The following NCKAP5 variants were observed in gnomAD, a reference collection of about 807,000 sequenced individuals.
NCKAP5 encodes NCK associated protein 5.
NCKAP5 carries 92 observed loss-of-function variants against 167.0 expected under a neutral mutation model. The observed-to-expected ratio is 0.55, with a 90% CI of 0.47 to 0.66. NCKAP5 has a LOEUF of 0.66. Among genes scored for constraint, NCKAP5 ranks in the 30% least tolerant of loss-of-function variants. The pLI is 0.00. For synonymous variants in NCKAP5, 891 were observed against 877.4 expected, an observed-to-expected ratio of 1.02 and a Z score of -0.27; for missense variants, 2,378 against 2,315.0, an observed-to-expected ratio of 1.03 and a Z score of -0.56.
At chr2:132,971,336 G>A (rs1008686571) in intron 7 of NCKAP5, among the ~76,000 whole-genome samples, 1 of 152,120 alleles carries the variant, frequency 6.6e-6, no homozygotes, top group African/African-American at 2.4e-5. Context: ...AGAGGGGAGG[G>A]CAACTGAGAA....
the NCKAP5 span, among the ~76,000 whole-genome samples, chr2:133,578,804 G>C: frequency 1.3e-5 from 2 of 152,138 alleles, no homozygotes; most frequent in Non-Finnish European, 2.9e-5. Context: ...ATGACCTCAA[G>C]AACTTTAAGT....
chr2:133,331,660 C>A (rs1251941949), intron 3 of NCKAP5, among the ~76,000 whole-genome samples: 1 of 152,126 alleles, frequency 6.6e-6, no homozygotes, highest in East Asian at 1.9e-4. Flanking sequence ...AACCCAGGAC[C>A]GGTTTTAAGT....
chr2:133,198,763 T>G (rs1176045898), intron 5 of NCKAP5, among the ~76,000 whole-genome samples: 1 of 152,128 alleles, frequency 6.6e-6, no homozygotes, highest in Non-Finnish European at 1.5e-5. Context: ...CTGGAGGTAG[T>G]GTGAGGAAAT....
At chr2:133,627,711 A>C in the NCKAP5 span, among the ~76,000 whole-genome samples, 1 of 152,200 alleles carries the variant, frequency 6.6e-6, no homozygotes, top group Non-Finnish European at 1.5e-5. Flanking sequence ...AGAAAGAAAG[A>C]AACTTTTTTT....
At chr2:133,635,166 G>A in the NCKAP5 span, among the ~76,000 whole-genome samples, 5 of 152,124 alleles carry the variant, frequency 3.3e-5, no homozygotes, top group Non-Finnish European at 7.4e-5. Flanking sequence ...GAGCCACCAT[G>A]CCTGGCTGTA....
At chr2:132,824,788 GTGACTGGCAATGTT>G (rs1463659115) in intron 11 of NCKAP5, among the ~76,000 whole-genome samples, 4 of 152,182 alleles carry the variant, frequency 2.6e-5, no homozygotes, top group Non-Finnish European at 4.4e-5. Flanking sequence ...TGCTGGCCTA[GTGACTGGCAATGTT>G]TGAGATGGTG....
chr2:132,823,599 C>T (rs1686918615), intron 11 of NCKAP5, among the ~76,000 whole-genome samples: 2 of 151,920 alleles, frequency 1.3e-5, no homozygotes, highest in South Asian at 4.2e-4. Flanking sequence ...ATAGAACTCC[C>T]TTAAAGCATA....
the NCKAP5 span, among the ~76,000 whole-genome samples, chr2:133,620,530 T>C: frequency 2.0e-5 from 3 of 151,994 alleles, no homozygotes; most frequent in Non-Finnish European, 2.9e-5. Flanking sequence ...ACAAACAAGG[T>C]CATTATATAG....
the NCKAP5 span, among the ~76,000 whole-genome samples, chr2:133,579,936 A>G: frequency 1.3e-5 from 2 of 152,226 alleles, no homozygotes; most frequent in Non-Finnish European, 2.9e-5. Flanking sequence ...GGATTCATAA[A>G]GAATACATAA....
rs187953066 is a variant in NCKAP5 at position 132,757,534 on chromosome 2, A to G, written c.5128+16282T>C. ...ACCCTGTTCTCAAGATCCCTTTCCT[A>G]CCTACTTTTCTCAGTCACACATTTC... On this transcript the variant is annotated intron_variant, in intron 16 of 19. Coordinates refer to ENST00000409261, the MANE Select transcript of NCKAP5 (RefSeq NM_207363.3). Among the ~76,000 whole-genome samples the G allele has an allele frequency of 5.8e-4, 88 of 152,182 alleles. 1 individual carries two copies. The East Asian group carries it at 0.011, about 19-fold the overall frequency.
chr2:132,938,667 T>C (rs1697037256), intron 8 of NCKAP5, among the ~76,000 whole-genome samples: 1 of 152,156 alleles, frequency 6.6e-6, no homozygotes, highest in African/African-American at 2.4e-5. Context: ...TGTACCTGCT[T>C]CCTATGGATC....
intron 5 of NCKAP5, among the ~76,000 whole-genome samples, chr2:133,163,697 T>C (rs1000030939): frequency 1.2e-4 from 18 of 151,830 alleles, no homozygotes; most frequent in Admixed American, 7.2e-4. Flanking sequence ...CTTAGTTTTG[T>C]TGTTGTTTAA....
At chr2:133,665,072 T>C in the NCKAP5 span, among the ~76,000 whole-genome samples, 3 of 151,816 alleles carry the variant, frequency 2.0e-5, no homozygotes, top group East Asian at 3.9e-4. Flanking sequence ...TTATGGCTGG[T>C]TTGGTCTATC....
rs1045753508 is a variant in NCKAP5 at position 133,110,151 on chromosome 2, G to A, written c.341+19827C>T. Among the ~76,000 whole-genome samples the A allele has an allele frequency of 2.7e-4, 41 of 152,186 alleles. 1 individual carries two copies. Among genetic ancestry groups the A allele is most frequent in the Admixed American group, 2.6e-3 (39 of 15,276 alleles). ...ACATGCTTAAATGTTCTCATTTACA[G>A]ACTCGATTTCCTTTTGCGGGTTCCT... is the stretch of plus-strand genomic sequence containing the variant. On this transcript the variant is annotated intron_variant, in intron 6 of 19. Coordinates refer to ENST00000409261, the MANE Select transcript of NCKAP5 (RefSeq NM_207363.3).
the NCKAP5 span, among the ~76,000 whole-genome samples, chr2:133,574,973 G>C: frequency 1.3e-5 from 2 of 152,144 alleles, no homozygotes; most frequent in Non-Finnish European, 2.9e-5. Flanking sequence ...TCCAGCGTGG[G>C]GACTGCTCCC....
chr2:133,579,432 C>T, the NCKAP5 span, among the ~76,000 whole-genome samples: 2 of 152,186 alleles, frequency 1.3e-5, no homozygotes, highest in Non-Finnish European at 2.9e-5. Flanking sequence ...CAAAATGGAA[C>T]ATGAGAAGAG....
chr2:133,285,710 C>T (rs1679069665), intron 4 of NCKAP5, among the ~76,000 whole-genome samples: 1 of 152,172 alleles, frequency 6.6e-6, no homozygotes, highest in South Asian at 2.1e-4. Flanking sequence ...CCACGGTAAA[C>T]ACCTACGGCA....
At chr2:133,344,447 G>A (rs772692136) in intron 3 of NCKAP5, among the ~76,000 whole-genome samples, 4 of 151,716 alleles carry the variant, frequency 2.6e-5, no homozygotes, top group Non-Finnish European at 5.9e-5. Context: ...GCGAGGCAGG[G>A]AGTTGAAGAT....
chr2:132,772,645 T>C (rs1682180804), intron 16 of NCKAP5, among the ~76,000 whole-genome samples: 3 of 152,356 alleles, frequency 2.0e-5, no homozygotes, highest in Admixed American at 1.3e-4. Flanking sequence ...GCATTTTACA[T>C]TGACAACTAT....
Sources: allele counts gnomAD v4.1 joint callset (sites outside exome capture counted in the v4.1 genomes callset), GRCh38; gene constraint gnomAD v4.1.1; transcripts MANE v1.5; gene names NCBI Gene and HGNC (gene_info 2026-07-23, HGNC 2026-07-21).